Variants in SLC44A5 observed in about 807,000 individuals in gnomAD.
The protein encoded by SLC44A5 is solute carrier family 44 member 5.
A neutral mutation model predicts 101.8 loss-of-function variants in SLC44A5; 57 were observed. That is an observed-to-expected ratio of 0.56 (90% CI 0.45 to 0.70). The LOEUF (loss-of-function observed/expected upper bound fraction) is 0.70, where lower values mean the gene tolerates loss of function less well. SLC44A5 is among the 30% of genes least tolerant of loss of function. SLC44A5 has a pLI of 0.00. For missense variants in SLC44A5, 737 were observed against 853.1 expected (o/e 0.86, Z 1.70); for synonymous variants, 281 against 290.9 (o/e 0.97, Z 0.35).
intron 6 of SLC44A5, among the ~76,000 whole-genome samples, chr1:75,263,358 C>T (rs1650699999): frequency 6.6e-6 from 1 of 152,110 alleles, no homozygotes; most frequent in African/African-American, 2.4e-5. Context: ...GACATTTATG[C>T]AGCCAACAAA....
the SLC44A5 span, among the ~76,000 whole-genome samples, chr1:75,662,007 A>G: frequency 6.6e-6 from 1 of 152,058 alleles, no homozygotes; most frequent in Admixed American, 6.6e-5. Flanking sequence ...TATGTATCCA[A>G]AAAAAAGGAA....
the SLC44A5 span, among the ~76,000 whole-genome samples, chr1:75,699,083 G>C: frequency 6.6e-6 from 1 of 152,128 alleles, no homozygotes; most frequent in South Asian, 2.1e-4. Context: ...CACTCTGAAG[G>C]ATATTATCCA....
intron 2 of SLC44A5, among the ~76,000 whole-genome samples, chr1:75,474,179 T>TA (rs1557822770): frequency 1.3e-5 from 2 of 152,006 alleles, no homozygotes; most frequent in Admixed American, 6.6e-5. Context: ...ATCTGAAAAA[T>TA]AAAAAAAGAA....
the SLC44A5 span, among the ~76,000 whole-genome samples, chr1:75,661,386 G>GAAAAAA: frequency 9.6e-5 from 1 of 10,368 alleles, no homozygotes; most frequent in Non-Finnish European, 1.6e-4. Context: ...ACTACTGCAA[G>GAAAAAA]TAAAAAAAAA....
intron 2 of SLC44A5, chr1:75,538,099 CA>C (rs1368407112): frequency 6.6e-6 from 1 of 152,062 alleles, no homozygotes; most frequent in East Asian, 1.9e-4. Context: ...GTGTTGATAC[CA>C]ACAGGAATGA....
intron 3 of SLC44A5, among the ~76,000 whole-genome samples, chr1:75,344,687 G>A (rs945600009): frequency 2.0e-5 from 3 of 152,168 alleles, no homozygotes; most frequent in Admixed American, 2.0e-4. Context: ...GAATACAGAA[G>A]CTTCTAGAAC....
At chr1:75,584,108 C>T (rs1450285161) in intron 1 of SLC44A5, among the ~76,000 whole-genome samples, 1 of 152,184 alleles carries the variant, frequency 6.6e-6, no homozygotes, top group African/African-American at 2.4e-5. Context: ...TTCTGAATTG[C>T]CACCCAACTA....
chr1:75,344,181 A>T (rs968494654), intron 3 of SLC44A5, among the ~76,000 whole-genome samples: 1 of 152,136 alleles, frequency 6.6e-6, no homozygotes, highest in Non-Finnish European at 1.5e-5. Flanking sequence ...AAGAACAAAG[A>T]CATTCTACTG....
chr1:75,466,455 G>C (rs1157149593), intron 2 of SLC44A5, among the ~76,000 whole-genome samples: 1 of 152,042 alleles, frequency 6.6e-6, no homozygotes. Flanking sequence ...AGGAGTTTGA[G>C]ACCAGCCTGG....
chr1:75,291,015 G>C (rs1427926236), intron 5 of SLC44A5, among the ~76,000 whole-genome samples: 1 of 152,114 alleles, frequency 6.6e-6, no homozygotes, highest in Non-Finnish European at 1.5e-5. Context: ...CAGGTTTGCA[G>C]AAAATAGACA....
rs530504880 is a variant in SLC44A5, at chr1:75,300,323, A to C, written c.175+289T>G. Among the ~76,000 whole-genome samples the C allele has an allele frequency of 6.6e-5, 10 of 152,292 alleles. No homozygotes were observed. In the East Asian group the frequency reaches 1.7e-3, roughly 26 times the overall value. On this transcript the variant is annotated intron_variant, in intron 5 of 23. Coordinates refer to ENST00000370859, the MANE Select transcript of SLC44A5 (RefSeq NM_001130058.2). ...ACATGAACATAATTAGTTGCTTATT[A>C]GAATTTCAAAAGTAACAATGATTAA...
chr1:75,614,548 G>A (rs1198115122), upstream of SLC44A5, among the ~76,000 whole-genome samples: 1 of 152,178 alleles, frequency 6.6e-6, no homozygotes, highest in Non-Finnish European at 1.5e-5. Flanking sequence ...TGTCCCCCTA[G>A]TGACCTCTAG....
intron 5 of SLC44A5, among the ~76,000 whole-genome samples, chr1:75,288,869 C>G (rs941141739): frequency 6.6e-6 from 1 of 152,204 alleles, no homozygotes; most frequent in African/African-American, 2.4e-5. Context: ...GACCTTCTAG[C>G]TCTTTGCCAC....
intron 1 of SLC44A5, among the ~76,000 whole-genome samples, chr1:75,586,267 G>A (rs1442776359): frequency 6.6e-6 from 1 of 151,952 alleles, no homozygotes; most frequent in Non-Finnish European, 1.5e-5. Context: ...TATACCACCA[G>A]CCTCTCTTCT....
At chr1:75,613,345 C>A (rs1675738263), upstream of SLC44A5, among the ~76,000 whole-genome samples, 1 of 152,210 alleles carries the variant, frequency 6.6e-6, no homozygotes, top group Non-Finnish European at 1.5e-5. Context: ...AGCTTAGAAG[C>A]AGACATCTGA....
intron 2 of SLC44A5, among the ~76,000 whole-genome samples, chr1:75,437,082 T>C (rs971317358): frequency 6.6e-6 from 1 of 152,186 alleles, no homozygotes; most frequent in African/African-American, 2.4e-5. Context: ...GAGGCTGTTT[T>C]ACAGTTTACT....
At chr1:75,213,859 G>C (rs1396268975) in intron 21 of SLC44A5, 60 bp downstream of exon 21, 19 of 1,524,530 alleles carry the variant, frequency 1.2e-5, no homozygotes, top group South Asian at 6.0e-5. Flanking sequence ...TTGTAGTAAA[G>C]CAGTTTTTCC....
intron 2 of SLC44A5, among the ~76,000 whole-genome samples, chr1:75,531,270 T>C (rs1424732438): frequency 6.6e-6 from 1 of 152,246 alleles, no homozygotes; most frequent in Non-Finnish European, 1.5e-5. Context: ...CCAAACATTT[T>C]TAAAAATTAT....
intron 2 of SLC44A5, among the ~76,000 whole-genome samples, chr1:75,454,397 T>A (rs1282245040): frequency 2.0e-5 from 3 of 151,904 alleles, no homozygotes; most frequent in Admixed American, 6.6e-5. Context: ...GAGGAACATA[T>A]CTCAAAATAA....
Sources: allele counts gnomAD v4.1 joint callset (sites outside exome capture counted in the v4.1 genomes callset), GRCh38; gene constraint gnomAD v4.1.1; transcripts MANE v1.5; gene names NCBI Gene and HGNC (gene_info 2026-07-23, HGNC 2026-07-21).